The following GULP1 variants were observed in gnomAD, a reference collection of about 807,000 sequenced individuals.
The protein encoded by GULP1 is GULP PTB domain containing engulfment adaptor 1.
GULP1 carries 19 observed loss-of-function variants against 40.9 expected under a neutral mutation model. The ratio of observed to expected loss-of-function variants is 0.46; its 90% CI spans 0.32 to 0.68. GULP1 has a LOEUF of 0.68. Among genes scored for constraint, GULP1 ranks in the 30% least tolerant of loss-of-function variants. The pLI, the probability that GULP1 is intolerant of heterozygous loss-of-function variation, is 0.03. For missense variants in GULP1, 312 were observed against 362.2 expected (o/e 0.86, Z 1.12); for synonymous variants, 119 against 117.6 (o/e 1.01, Z -0.08).
intron 2 of GULP1, among the ~76,000 whole-genome samples, chr2:188,444,988 T>C (rs1315062429): frequency 1.3e-5 from 2 of 152,190 alleles, no homozygotes; most frequent in Admixed American, 6.5e-5. Flanking sequence ...CACCTATTAT[T>C]TAATGTTAAT....
intron 1 of GULP1, among the ~76,000 whole-genome samples, chr2:188,356,819 T>C (rs933164193): frequency 2.0e-5 from 3 of 152,070 alleles, no homozygotes; most frequent in African/African-American, 7.2e-5. Flanking sequence ...TACTATGAAG[T>C]GCTGGTAAGC....
chr2:188,300,086 T>C (rs1235463237), intron 1 of GULP1, among the ~76,000 whole-genome samples: 2 of 152,230 alleles, frequency 1.3e-5, no homozygotes, highest in Non-Finnish European at 2.9e-5. Context: ...TTGTTTTTCT[T>C]TCTTTTTTTC....
At chr2:188,305,113 C>G (rs1330536472) in intron 1 of GULP1, among the ~76,000 whole-genome samples, 1 of 152,122 alleles carries the variant, frequency 6.6e-6, no homozygotes, top group Non-Finnish European at 1.5e-5. Context: ...ACGATCCCCT[C>G]TTTGGATGTG....
At chr2:188,533,532 A>G (rs1688109533) in intron 6 of GULP1, among the ~76,000 whole-genome samples, 1 of 152,194 alleles carries the variant, frequency 6.6e-6, no homozygotes, top group South Asian at 2.1e-4. Flanking sequence ...GAATCCTGGA[A>G]GAAAACCTAG....
intron 4 of GULP1, among the ~76,000 whole-genome samples, chr2:188,499,600 A>G (rs538738408): frequency 2.7e-4 from 41 of 151,926 alleles, no homozygotes; most frequent in African/African-American, 9.6e-4. Flanking sequence ...TTGGAATACA[A>G]CCTCCAAGTG....
intron 1 of GULP1, among the ~76,000 whole-genome samples, chr2:188,303,642 T>A (rs2036526779): frequency 6.6e-6 from 1 of 152,114 alleles, no homozygotes; most frequent in African/African-American, 2.4e-5. Flanking sequence ...GCATGGAGAT[T>A]GGGTTGGAGG....
chr2:188,381,918 T>C (rs1184868477), intron 1 of GULP1, among the ~76,000 whole-genome samples: 1 of 152,180 alleles, frequency 6.6e-6, no homozygotes, highest in Non-Finnish European at 1.5e-5. Flanking sequence ...CATGCTAAGA[T>C]CCAGTGAATG....
At chr2:188,486,283 A>C (rs1401449942) in intron 4 of GULP1, among the ~76,000 whole-genome samples, 2 of 152,070 alleles carry the variant, frequency 1.3e-5, no homozygotes, top group African/African-American at 4.8e-5. Flanking sequence ...ATAAATTTGC[A>C]GTGGAAAATA....
intron 2 of GULP1, among the ~76,000 whole-genome samples, chr2:188,393,611 T>C (rs1423022406): frequency 6.6e-6 from 1 of 152,126 alleles, no homozygotes; most frequent in South Asian, 2.1e-4. Flanking sequence ...TTCCAGTTAT[T>C]ATGTTGATCA....
intron 6 of GULP1, among the ~76,000 whole-genome samples, chr2:188,530,338 TC>T (rs1015537573): frequency 5.3e-5 from 8 of 152,290 alleles, no homozygotes; most frequent in African/African-American, 1.9e-4. Flanking sequence ...AACTTAAGTT[TC>T]TTGTATTTAG....
chr2:188,574,543 G>A (rs1699778533), intron 9 of GULP1, among the ~76,000 whole-genome samples: 1 of 152,132 alleles, frequency 6.6e-6, no homozygotes, highest in Admixed American at 6.5e-5. Flanking sequence ...AAGATTGCTT[G>A]AGCCGGGGAG....
intron 2 of GULP1, among the ~76,000 whole-genome samples, chr2:188,417,386 C>A (rs1181567013): frequency 6.6e-6 from 1 of 152,118 alleles, no homozygotes; most frequent in Non-Finnish European, 1.5e-5. Context: ...TCTACCTATT[C>A]TAGATTATGG....
At chr2:188,411,287 G>A (rs575561410) in intron 2 of GULP1, among the ~76,000 whole-genome samples, 1 of 151,280 alleles carries the variant, frequency 6.6e-6, no homozygotes, top group South Asian at 2.1e-4. Flanking sequence ...GTAAAAACCT[G>A]TCACCAAGTA....
chr2:188,502,134 A>T (rs894913524), intron 4 of GULP1, among the ~76,000 whole-genome samples: 4 of 151,836 alleles, frequency 2.6e-5, no homozygotes, highest in African/African-American at 9.7e-5. Flanking sequence ...GCGGTGTAAG[A>T]GGCAATTGAG....
chr2:188,568,183 A>G (rs566129461), intron 7 of GULP1, among the ~76,000 whole-genome samples: 99 of 152,286 alleles, frequency 6.5e-4, no homozygotes, highest in Non-Finnish European at 1.3e-3. Flanking sequence ...TTAACAAAGC[A>G]TGTTTTCATT....
intron 4 of GULP1, among the ~76,000 whole-genome samples, chr2:188,517,962 G>A (rs756915810): frequency 2.8e-4 from 43 of 152,130 alleles, no homozygotes; most frequent in Non-Finnish European, 2.9e-4. Flanking sequence ...TGTTGGGATA[G>A]GGTGAATTAA....
At chr2:188,366,255 C>A (rs1330605532) in intron 1 of GULP1, among the ~76,000 whole-genome samples, 1 of 152,018 alleles carries the variant, frequency 6.6e-6, no homozygotes, top group African/African-American at 2.4e-5. Context: ...AGCCCCCAAA[C>A]ACCCCATAAA....
chr2:188,510,036 A>G (rs1442891836), intron 4 of GULP1, among the ~76,000 whole-genome samples: 1 of 152,122 alleles, frequency 6.6e-6, no homozygotes, highest in Non-Finnish European at 1.5e-5. Context: ...AAATCCTGTG[A>G]ATGGTAAGCC....
chr2:188,303,846 G>A (rs2036569436), intron 1 of GULP1, among the ~76,000 whole-genome samples: 1 of 152,116 alleles, frequency 6.6e-6, no homozygotes. Flanking sequence ...CTTCATTCAT[G>A]GCAACTAAGG....
Sources: allele counts gnomAD v4.1 joint callset (sites outside exome capture counted in the v4.1 genomes callset), GRCh38; gene constraint gnomAD v4.1.1; transcripts MANE v1.5; gene names NCBI Gene and HGNC (gene_info 2026-07-23, HGNC 2026-07-21).